The following NAV2 variants were observed in gnomAD, a reference collection of about 807,000 sequenced individuals.
The protein encoded by NAV2 is neuron navigator 2.
NAV2 carries 54 observed loss-of-function variants against 223.2 expected under a neutral mutation model. The ratio of observed to expected loss-of-function variants is 0.24; its 90% CI spans 0.19 to 0.30. The LOEUF is 0.30. Ranked by LOEUF, NAV2 falls within the 10% of genes least tolerant of loss-of-function variation. The pLI is 1.00. For synonymous variants in NAV2, 1,279 were observed against 1,239.3 expected, an observed-to-expected ratio of 1.03 and a Z score of -0.67; for missense variants, 2,806 against 3,147.5, an observed-to-expected ratio of 0.89 and a Z score of 2.60.
intron 1 of NAV2, among the ~76,000 whole-genome samples, chr11:19,534,023 C>T (rs1458301148): frequency 2.6e-5 from 4 of 152,190 alleles, no homozygotes; most frequent in Non-Finnish European, 5.9e-5. Flanking sequence ...ACTATCTTAT[C>T]CACAGACACA....
At chr11:19,687,696 A>G (rs1219698767) in intron 1 of NAV2, among the ~76,000 whole-genome samples, 1 of 152,240 alleles carries the variant, frequency 6.6e-6, no homozygotes, top group East Asian at 1.9e-4. Flanking sequence ...ACCCTCAGAT[A>G]TGGCAAATGG....
At chr11:19,639,716 C>T (rs1590753103) in intron 1 of NAV2, among the ~76,000 whole-genome samples, 1 of 152,294 alleles carries the variant, frequency 6.6e-6, no homozygotes, top group Non-Finnish European at 1.5e-5. Flanking sequence ...AGAAAAGCAA[C>T]GTCCTGAGTG....
At chr11:19,953,856 CGCGTGTGT>C (rs1231578944) in intron 10 of NAV2, among the ~76,000 whole-genome samples, 11 of 127,046 alleles carry the variant, frequency 8.7e-5, no homozygotes, top group Admixed American at 3.1e-4. Context: ...TGCACGCGCG[CGCGTGTGT>C]GTGTGTGTGT....
intron 1 of NAV2, among the ~76,000 whole-genome samples, chr11:19,593,611 G>A (rs1246200029): frequency 6.6e-6 from 1 of 152,216 alleles, no homozygotes; most frequent in Non-Finnish European, 1.5e-5. Context: ...GTTTTAGGAA[G>A]GAAGTCAAAC....
At position 19,713,519 on chromosome 11, in the gene NAV2, G is replaced by T; in HGVS notation, c.-177G>T. ...CCATTCCCATCCCGGCACCCCAAAG[G>T]CGCGCTCGCCCGATTGCTTCGAGTT... On this transcript the variant is annotated 5_prime_UTR_variant, in exon 1 of 38. Coordinates refer to ENST00000349880, the MANE Select transcript of NAV2 (RefSeq NM_145117.5). This position sits in a 1 kb window ranked among gnomAD's most constrained non-coding sequence, Gnocchi z 7.2. 1 of 1,393,214 alleles carries T rather than the reference G, an allele frequency of 7.2e-7. No homozygotes were observed. The highest frequency in any genetic ancestry group is 2.7e-5 in the East Asian group (1 of 37,276). 86.3% of individuals were successfully genotyped at this position (1,393,214 alleles called of 1,614,324 possible).
intron 1 of NAV2, among the ~76,000 whole-genome samples, chr11:19,645,395 T>C (rs2047787111): frequency 6.6e-6 from 1 of 152,196 alleles, no homozygotes; most frequent in South Asian, 2.1e-4. Flanking sequence ...ATTATTCACA[T>C]GTGCAAAGTC....
intron 3 of NAV2, among the ~76,000 whole-genome samples, chr11:19,860,246 C>T (rs1241649406): frequency 2.1e-5 from 3 of 144,948 alleles, no homozygotes; most frequent in Non-Finnish European, 3.0e-5. Context: ...GGGTGGCTGC[C>T]GGGCAGAGGG....
intron 11 of NAV2, among the ~76,000 whole-genome samples, chr11:20,001,437 G>C (rs997846130): frequency 6.6e-6 from 1 of 152,018 alleles, no homozygotes; most frequent in Middle Eastern, 3.4e-3. Flanking sequence ...CCACATAGTC[G>C]GTGCTCATTC....
chr11:20,066,953 C>A (rs1193486488), intron 20 of NAV2, among the ~76,000 whole-genome samples: 1 of 152,116 alleles, frequency 6.6e-6, no homozygotes, highest in Non-Finnish European at 1.5e-5. Flanking sequence ...CTGTGGGAAC[C>A]AGAGGAGAGG....
intron 26 of NAV2, among the ~76,000 whole-genome samples, chr11:20,087,968 T>C (rs946131049): frequency 6.6e-6 from 1 of 152,116 alleles, no homozygotes; most frequent in African/African-American, 2.4e-5. Flanking sequence ...GTACCCATTA[T>C]GTAAATGTGA....
intron 1 of NAV2, among the ~76,000 whole-genome samples, chr11:19,807,857 C>G (rs944492134): frequency 6.6e-6 from 1 of 152,228 alleles, no homozygotes; most frequent in African/African-American, 2.4e-5. Flanking sequence ...GAAACTGACT[C>G]TTTGATATTC....
At chr11:20,068,533 G>A in intron 22 of NAV2, 135 bp downstream of exon 22, 1 of 687,258 alleles carries the variant, frequency 1.5e-6, no homozygotes, top group Non-Finnish European at 2.5e-6. Flanking sequence ...TTGGCATCAT[G>A]GGTGTGAATG....
chr11:20,037,370 TA>T (rs34272740), intron 12 of NAV2, among the ~76,000 whole-genome samples: 46,466 of 140,088 alleles, frequency 0.33, 7,596 homozygotes, highest in East Asian at 0.55. Context: ...ACAATAGGGC[TA>T]AAAAAAAAAA....
In NAV2 at chr11:19,948,862, C is replaced by G; in HGVS notation, c.2427C>G (p.Asn809Lys). The G allele has an allele frequency of 1.2e-6, 2 of 1,614,070 alleles. No individual in the cohort carries two copies. Among genetic ancestry groups the G allele is most frequent in the Non-Finnish European group, 1.7e-6 (2 of 1,180,022 alleles). Residue 809 changes from asparagine to lysine, a missense_variant, in exon 10 of 38, where the codon AAC (asparagine) becomes AAG (lysine). Asn to Lys is a moderately conservative substitution (Grantham distance 94). This residue lies in a region of NAV2 where 1,167 missense variants were observed against 1,180.5 expected (regional missense o/e 0.99). Coordinates refer to ENST00000349880, the MANE Select transcript of NAV2 (RefSeq NM_145117.5). ...GCAATGGGTATCCCCCTCGAGCCAA[C>G]GCCAGCAGGTTCATCAACACTGAGT... ...SMGNGYPPRA[N>K]ASRFINTESG...
chr11:19,566,031 G>GATTTGATTTT (rs1554964882), intron 1 of NAV2, among the ~76,000 whole-genome samples: 2 of 138,494 alleles, frequency 1.4e-5, no homozygotes, highest in Non-Finnish European at 3.1e-5. Context: ...TATCCAAGGA[G>GATTTGATTTT]ATTTTATTTT....
chr11:19,518,866 A>G (rs1202339413), intron 1 of NAV2, among the ~76,000 whole-genome samples: 2 of 152,120 alleles, frequency 1.3e-5, no homozygotes, highest in African/African-American at 2.4e-5. Flanking sequence ...TTTGAGAGGT[A>G]ATTAGATCAT....
At chr11:19,826,042 A>G (rs972659579) in intron 1 of NAV2, among the ~76,000 whole-genome samples, 1 of 152,152 alleles carries the variant, frequency 6.6e-6, no homozygotes, top group Non-Finnish European at 1.5e-5. Context: ...CCTCTGCAAG[A>G]TGGAGTGATT....
chr11:19,835,769 T>G (rs1782097712), intron 2 of NAV2, among the ~76,000 whole-genome samples: 1 of 151,208 alleles, frequency 6.6e-6, no homozygotes, highest in Admixed American at 6.6e-5. Flanking sequence ...ACATAAAATT[T>G]TCTACATAAA....
intron 1 of NAV2, among the ~76,000 whole-genome samples, chr11:19,565,111 A>G (rs942259383): frequency 1.3e-5 from 2 of 152,136 alleles, no homozygotes; most frequent in Non-Finnish European, 1.5e-5. Context: ...CTCAGTCTGG[A>G]TGACAGAGTG....
Sources: allele counts gnomAD v4.1 joint callset (sites outside exome capture counted in the v4.1 genomes callset), GRCh38; gene constraint gnomAD v4.1.1; regional missense constraint gnomAD v4.1.1; non-coding constraint Gnocchi (gnomAD v3.1); transcripts MANE v1.5; gene names NCBI Gene and HGNC (gene_info 2026-07-23, HGNC 2026-07-21).